Variants in MAPKAPK3 observed in about 807,000 individuals in gnomAD.
The protein encoded by MAPKAPK3 is MAP kinase-activated protein kinase 3.
Under a neutral mutation model 49.2 loss-of-function variants are expected in MAPKAPK3, and 35 were observed. The observed-to-expected ratio is 0.71, with a 90% CI of 0.54 to 0.94. The LOEUF (loss-of-function observed/expected upper bound fraction) is 0.94, where lower values mean the gene tolerates loss of function less well. Among genes scored for constraint, MAPKAPK3 ranks in the 40% least tolerant of loss-of-function variants. The pLI is 0.00. For missense variants in MAPKAPK3, 398 were observed against 493.1 expected (o/e 0.81, Z 1.83); for synonymous variants, 178 against 188.7 (o/e 0.94, Z 0.46).
At chr3:50,645,914 G>A in intron 7 of MAPKAPK3, 129 bp downstream of exon 7, 1 of 1,011,652 alleles carries the variant, frequency 9.9e-7, no homozygotes, top group East Asian at 2.4e-5. Context: ...CCTCATGCAG[G>A]CTGCCCTTCC....
intron 2 of MAPKAPK3, among the ~76,000 whole-genome samples, chr3:50,621,306 A>C (rs950439763): frequency 3.9e-5 from 6 of 152,094 alleles, no homozygotes; most frequent in Non-Finnish European, 7.4e-5. Context: ...ACAAAATTTA[A>C]AAATTAGGGC....
At chr3:50,625,700 T>A (rs1044330286) in intron 2 of MAPKAPK3, among the ~76,000 whole-genome samples, 8 of 152,294 alleles carry the variant, frequency 5.3e-5, no homozygotes, top group Middle Eastern at 3.4e-3. Context: ...TCCTCGTCCC[T>A]CTCATTTCTC....
intron 2 of MAPKAPK3, among the ~76,000 whole-genome samples, chr3:50,634,596 C>G (rs549240111): frequency 6.6e-6 from 1 of 151,996 alleles, no homozygotes; most frequent in African/African-American, 2.4e-5. Flanking sequence ...TCAAGCCATT[C>G]TCCTGCCTCA....
At position 50,642,364 on chromosome 3, in the gene MAPKAPK3, G is replaced by A. The variant is rs757709139; in HGVS notation, c.504+32G>A. 8 of 1,546,954 alleles carry A rather than the reference G, an allele frequency of 5.2e-6. No homozygotes were observed. The African/African-American group carries it at 6.8e-5, about 13-fold the overall frequency. On this transcript the variant is annotated intron_variant, in intron 5 of 10. Transcript: ENST00000621469. Reference sequence around the variant, plus strand: ...CTCCAGGATTCAGGTTGGGGGCCCGGGGAAGAGGATATTGTCCCACTCCAC... The same window carrying A: ...CTCCAGGATTCAGGTTGGGGGCCCGAGGAAGAGGATATTGTCCCACTCCAC...
At chr3:50,624,633 T>C (rs1331962799) in intron 2 of MAPKAPK3, among the ~76,000 whole-genome samples, 1 of 152,166 alleles carries the variant, frequency 6.6e-6, no homozygotes, top group African/African-American at 2.4e-5. Flanking sequence ...TCTTCTGAGC[T>C]TCACACCTGG....
intron 2 of MAPKAPK3, among the ~76,000 whole-genome samples, chr3:50,638,466 G>A (rs945919768): frequency 1.3e-5 from 2 of 152,176 alleles, no homozygotes; most frequent in Admixed American, 6.5e-5. Flanking sequence ...GGCAGCATGA[G>A]CAAGGATCCA....
At chr3:50,634,273 C>T (rs2032979182) in intron 2 of MAPKAPK3, among the ~76,000 whole-genome samples, 1 of 152,140 alleles carries the variant, frequency 6.6e-6, no homozygotes, top group African/African-American at 2.4e-5. Context: ...CCAGTTTCCA[C>T]CTCACAGGGG....
At chr3:50,626,010 A>G (rs2032729080) in intron 2 of MAPKAPK3, among the ~76,000 whole-genome samples, 1 of 152,142 alleles carries the variant, frequency 6.6e-6, no homozygotes, top group Non-Finnish European at 1.5e-5. Context: ...AGGTGTCAGC[A>G]GCCTTGGCAG....
upstream of MAPKAPK3, among the ~76,000 whole-genome samples, chr3:50,614,794 A>T (rs974000588): frequency 6.6e-6 from 1 of 152,156 alleles, no homozygotes; most frequent in Admixed American, 6.5e-5. Context: ...CATCTCTCCG[A>T]TGGACCCATG....
rs749156678 is a variant in MAPKAPK3, at chr3:50,617,517, C to T, written c.-49C>T. The T allele has an allele frequency of 1.5e-5, 13 of 881,776 alleles. No homozygotes were observed. Among genetic ancestry groups the T allele is most frequent in the Admixed American group, 8.6e-5 (4 of 46,404 alleles). The allele number at this position is 881,776 out of a possible 1,614,324, so 54.6% of individuals were successfully genotyped here. On this transcript the variant is annotated 5_prime_UTR_variant, in exon 2 of 11. Coordinates refer to ENST00000621469, the MANE Select transcript of MAPKAPK3 (RefSeq NM_001243925.2). ...TCACTCTTCCCCTTTCCCCCAGGTG[C>T]CACTAGAAGCGCCAGGCTGGGGCCG...
rs2033321555 is a variant in MAPKAPK3, at chr3:50,647,191, G to A, written c.984G>A (p.Trp328Ter). 2.5e-6 allele frequency: 4 copies of A among 1,591,898 alleles called. No individual in the cohort carries two copies. Among genetic ancestry groups the A allele is most frequent in the Non-Finnish European group, 3.4e-6 (4 of 1,168,986 alleles). The change falls in exon 10 of 11, where the codon TGG becomes TGA. Residue 328 changes from tryptophan (W) to a stop codon, truncating the protein, a stop_gained. Transcript: ENST00000621469. LOFTEE classifies it high-confidence loss of function. ...ARVLQEDKDH[W>*]DEVKEEMTSA... Reference sequence around the variant, plus strand: ...TGCTGCAGGAGGACAAAGACCACTGGGACGAAGTCAAGGTGGGTGGGCTCT... The same window carrying A: ...TGCTGCAGGAGGACAAAGACCACTGAGACGAAGTCAAGGTGGGTGGGCTCT...
chr3:50,625,724 T>G (rs2032720630), intron 2 of MAPKAPK3, among the ~76,000 whole-genome samples: 1 of 152,206 alleles, frequency 6.6e-6, no homozygotes, highest in Non-Finnish European at 1.5e-5. Flanking sequence ...TTCCACCTGT[T>G]TCTCCTGCTA....
In MAPKAPK3 at chr3:50,647,951, A is replaced by T. The variant is rs770298926; in HGVS notation, c.1054A>T (p.Lys352Ter). Residue 352 changes from lysine (K) to a stop codon, truncating the protein, a stop_gained, in exon 11 of 11, where the codon AAG becomes TAG. Transcript: ENST00000621469. LOFTEE classifies it high-confidence loss of function. ...GGTAGACTACGACCAGGTGAAGATC[A>T]AGGACCTGAAGACCTCTAACAACCG... ...MRVDYDQVKI[K>*]DLKTSNNRLL... 2 of 1,614,010 alleles carry T rather than the reference A, an allele frequency of 1.2e-6. No individual in the cohort carries two copies. The highest frequency in any genetic ancestry group is 1.7e-6 in the Non-Finnish European group (2 of 1,179,982).
At chr3:50,611,550 T>C (rs1171685029), upstream of MAPKAPK3, 3 of 1,521,550 alleles carry the variant, frequency 2.0e-6, no homozygotes, top group African/African-American at 1.4e-5. Flanking sequence ...GCCCTCCCAA[T>C]GCCCGGCAGC....
At chr3:50,618,852 G>A (rs2032538631) in intron 2 of MAPKAPK3, among the ~76,000 whole-genome samples, 1 of 152,212 alleles carries the variant, frequency 6.6e-6, no homozygotes, top group African/African-American at 2.4e-5. Flanking sequence ...ACCACGCCCA[G>A]CTAATTTTTT....
Position 50,642,316 on chromosome 3 carries a change from C to T in MAPKAPK3, c.488C>T (p.Ala163Val). 2 of 1,585,412 alleles carry T rather than the reference C, an allele frequency of 1.3e-6. No homozygotes were observed. Reference sequence around the variant, plus strand: ...CAGTTTCTGCACAGCCATAACATTGCCCACCGAGATGTCAAGGTGAGGCTC... The same window carrying T: ...CAGTTTCTGCACAGCCATAACATTGTCCACCGAGATGTCAAGGTGAGGCTC... ...AIQFLHSHNI[A>V]HRDVKPENLL... The change falls in exon 5 of 11, where the codon GCC becomes GTC. Residue 163 changes from alanine (A) to valine (V), a missense_variant. Around this residue, in one of 5 missense-constraint regions of MAPKAPK3, gnomAD observed 41 missense variants for 35.8 expected, o/e 1.15. Transcript: ENST00000621469.
intron 2 of MAPKAPK3, among the ~76,000 whole-genome samples, chr3:50,622,764 G>T (rs983468424): frequency 6.6e-6 from 1 of 152,214 alleles, no homozygotes; most frequent in Non-Finnish European, 1.5e-5. Context: ...TAGACCTCAT[G>T]GAGAATTCCT....
At chr3:50,646,494 C>T (rs2033301527) in intron 8 of MAPKAPK3, among the ~76,000 whole-genome samples, 1 of 152,216 alleles carries the variant, frequency 6.6e-6, no homozygotes, top group South Asian at 2.1e-4. Flanking sequence ...ATTCCTCATT[C>T]ATATTTTCCC....
chr3:50,646,063 C>A, intron 7 of MAPKAPK3, 77 bp from the exon 8 acceptor site: 2 of 1,545,932 alleles, frequency 1.3e-6, no homozygotes, highest in South Asian at 1.2e-5. Context: ...TCTCCCCAGT[C>A]AGGGGCTTTT....
Sources: allele counts gnomAD v4.1 joint callset (sites outside exome capture counted in the v4.1 genomes callset), GRCh38; gene constraint gnomAD v4.1.1; regional missense constraint gnomAD v4.1.1; transcripts MANE v1.5; gene names NCBI Gene and HGNC (gene_info 2026-07-23, HGNC 2026-07-21).